The following PDE10A variants were observed in gnomAD, a reference collection of about 807,000 sequenced individuals.
The protein encoded by PDE10A is cAMP and cAMP-inhibited cGMP 3',5'-cyclic phosphodiesterase 10A.
In PDE10A, 39 loss-of-function variants were observed where a neutral mutation model predicts 97.7. The observed-to-expected ratio is 0.40, with a 90% CI of 0.31 to 0.52. PDE10A has a LOEUF of 0.52. Ranked by LOEUF, PDE10A falls within the 20% of genes least tolerant of loss-of-function variation. The pLI is 0.56. For synonymous variants in PDE10A, 371 were observed against 376.8 expected, an observed-to-expected ratio of 0.98 and a Z score of 0.18; for missense variants, 731 against 1,047.8, an observed-to-expected ratio of 0.70 and a Z score of 4.17.
intron 1 of PDE10A, 121 bp from the exon 2 acceptor site, chr6:165,543,689 T>C (rs1783584900): frequency 1.4e-6 from 1 of 718,396 alleles, no homozygotes; most frequent in African/African-American, 1.8e-5. Flanking sequence ...GAGAGAGGGC[T>C]GGAAAGAGCG....
At chr6:165,340,280 T>G (rs747510947) in intron 19 of PDE10A, among the ~76,000 whole-genome samples, 3 of 152,236 alleles carry the variant, frequency 2.0e-5, no homozygotes, top group Non-Finnish European at 4.4e-5. Flanking sequence ...CTTCCCACTC[T>G]TCCCTCATAG....
At chr6:165,808,540 A>T (rs879755600) in intron 1 of PDE10A, among the ~76,000 whole-genome samples, 6 of 152,104 alleles carry the variant, frequency 3.9e-5, no homozygotes, top group Non-Finnish European at 8.8e-5. Context: ...GTTAGATGAG[A>T]TGATCTCTCA....
intron 1 of PDE10A, among the ~76,000 whole-genome samples, chr6:165,823,501 T>A (rs1239457455): frequency 1.0e-5 from 1 of 96,726 alleles, no homozygotes; most frequent in African/African-American, 3.6e-5. Flanking sequence ...TATATATATA[T>A]ATATATATAT....
chr6:165,958,826 C>T (rs1436907892), intron 1 of PDE10A, among the ~76,000 whole-genome samples: 1 of 152,198 alleles, frequency 6.6e-6, no homozygotes, highest in African/African-American at 2.4e-5. Context: ...TATCACTCAT[C>T]ACTTTCAATA....
chr6:165,598,633 G>A (rs1174964487), intron 1 of PDE10A, among the ~76,000 whole-genome samples: 1 of 152,130 alleles, frequency 6.6e-6, no homozygotes, highest in Non-Finnish European at 1.5e-5. Context: ...GACTAATAAA[G>A]ATAATGCACA....
intron 1 of PDE10A, among the ~76,000 whole-genome samples, chr6:165,643,715 A>T (rs2983521): frequency 0.18 from 27,318 of 152,176 alleles, 2,816 homozygotes; most frequent in Middle Eastern, 0.35. Flanking sequence ...GAAAAGAAAG[A>T]TCTTGGTCAA....
chr6:165,948,118 G>A (rs117149118), intron 1 of PDE10A: 1 of 150,846 alleles, frequency 6.6e-6, no homozygotes, highest in Non-Finnish European at 1.5e-5. Flanking sequence ...TATATATATA[G>A]AGAGAGAGTG....
chr6:165,413,806 T>A (rs926585290), intron 12 of PDE10A, 119 bp from the exon 13 acceptor site: 11 of 700,354 alleles, frequency 1.6e-5, no homozygotes, highest in African/African-American at 1.4e-4. Flanking sequence ...CTATTGCATA[T>A]GACTAATGGC....
In PDE10A at chr6:165,505,853, G is replaced by C. The variant is rs77165313; in HGVS notation, c.995-23510C>G. 1.2e-3 allele frequency among the ~76,000 whole-genome samples: 181 copies of C among 151,758 alleles called. 1 individual carries two copies. The East Asian group carries it at 0.034, about 29-fold the overall frequency. On this transcript the variant is annotated intron_variant, in intron 2 of 21. Transcript: ENST00000539869. ...ATTGGTTGCATTCAAAAGCTGGTCA[G>C]TACACAAAACATTTTAAATTCTGAA...
At chr6:165,545,832 G>A (rs1252267748) in intron 1 of PDE10A, among the ~76,000 whole-genome samples, 1 of 152,060 alleles carries the variant, frequency 6.6e-6, no homozygotes, top group Non-Finnish European at 1.5e-5. Flanking sequence ...AAATGCTACA[G>A]TGACTTTGAA....
At chr6:165,915,814 C>T (rs889925691) in intron 1 of PDE10A, among the ~76,000 whole-genome samples, 2 of 152,218 alleles carry the variant, frequency 1.3e-5, no homozygotes, top group Non-Finnish European at 2.9e-5. Context: ...CCTGCTTTTT[C>T]TGATACATCA....
intron 1 of PDE10A, among the ~76,000 whole-genome samples, chr6:165,642,866 G>A (rs1029344661): frequency 1.1e-4 from 16 of 152,144 alleles, no homozygotes; most frequent in African/African-American, 3.9e-4. Context: ...TATAAAAATT[G>A]TATCACAAGT....
chr6:165,487,134 G>A (rs1328986369), intron 2 of PDE10A, among the ~76,000 whole-genome samples: 4 of 152,214 alleles, frequency 2.6e-5, no homozygotes, highest in African/African-American at 9.6e-5. Context: ...GCAAATGACA[G>A]TGGCTTTAAA....
intron 1 of PDE10A, among the ~76,000 whole-genome samples, chr6:165,841,225 A>G (rs1780249132): frequency 6.6e-6 from 1 of 152,336 alleles, no homozygotes; most frequent in South Asian, 2.1e-4. Flanking sequence ...AAATCGATAC[A>G]TTGATTCAGG....
intron 1 of PDE10A, chr6:165,986,631 G>A (rs1308106170): frequency 6.6e-6 from 1 of 152,142 alleles, no homozygotes; most frequent in East Asian, 1.9e-4. Context: ...GAGGGGAGGA[G>A]AGATCAAACC....
chr6:165,726,329 GA>G, intron 1 of PDE10A, among the ~76,000 whole-genome samples: 1 of 152,210 alleles, frequency 6.6e-6, no homozygotes, highest in African/African-American at 2.4e-5. Context: ...TTAATGATGG[GA>G]AAAAATATAC....
chr6:165,852,696 G>A (rs1404400116), intron 1 of PDE10A, among the ~76,000 whole-genome samples: 2 of 152,204 alleles, frequency 1.3e-5, no homozygotes. Context: ...GGCCTTGGTG[G>A]CATTACTTCA....
At chr6:165,619,400 T>TAGTGCAGTGGTCTAGTGC (rs1301296472) in intron 1 of PDE10A, among the ~76,000 whole-genome samples, 1 of 135,740 alleles carries the variant, frequency 7.4e-6, no homozygotes. Flanking sequence ...TAGTGTAGTG[T>TAGTGCAGTGGTCTAGTGC]AGTGTAGTCT....
intron 1 of PDE10A, among the ~76,000 whole-genome samples, chr6:165,620,326 G>C (rs944750230): frequency 2.6e-5 from 4 of 152,150 alleles, no homozygotes; most frequent in Non-Finnish European, 4.4e-5. Context: ...AGAAGGTGAT[G>C]ATGGGGGGGT....
Sources: gnomAD v4.1 joint callset for allele counts (sites outside exome capture counted in the v4.1 genomes callset) on GRCh38, gnomAD v4.1.1 for gene constraint, MANE v1.5 for transcripts, NCBI Gene and HGNC (gene_info 2026-07-23, HGNC 2026-07-21) for gene names.